The following CYRIA variants were observed in gnomAD, a reference collection of about 807,000 sequenced individuals.
CYRIA encodes CYFIP related Rac1 interactor A.
Under a neutral mutation model 43.9 loss-of-function variants are expected in CYRIA, and 15 were observed. That is an observed-to-expected ratio of 0.34 (90% CI 0.23 to 0.53). The LOEUF is 0.53. CYRIA is among the 20% of genes least tolerant of loss of function. CYRIA has a pLI of 0.94. For missense variants in CYRIA, 236 were observed against 394.2 expected, an observed-to-expected ratio of 0.60 and a Z score of 3.40; for synonymous variants, 117 against 136.0, an observed-to-expected ratio of 0.86 and a Z score of 0.97.
intron 11 of CYRIA, 123 bp downstream of exon 11, chr2:16,554,946 G>A: frequency 1.7e-6 from 1 of 596,560 alleles, no homozygotes; most frequent in Non-Finnish European, 2.8e-6. Context: ...AGATTGTTAG[G>A]AAGATTCAAT....
At chr2:16,560,902 C>A in intron 9 of CYRIA, 88 bp downstream of exon 9, 3 of 1,209,200 alleles carry the variant, frequency 2.5e-6, no homozygotes, top group Admixed American at 3.4e-5. Context: ...GGTGTTGACC[C>A]AAATGTTACA....
chr2:16,587,841 C>T (rs1289662218), intron 3 of CYRIA, among the ~76,000 whole-genome samples: 3 of 152,084 alleles, frequency 2.0e-5, no homozygotes, highest in Non-Finnish European at 4.4e-5. Flanking sequence ...GTGAGGCCTC[C>T]TGAGCCATGT....
intron 1 of CYRIA, among the ~76,000 whole-genome samples, chr2:16,647,344 T>G (rs983268024): frequency 2.0e-5 from 3 of 152,202 alleles, no homozygotes; most frequent in Non-Finnish European, 4.4e-5. Context: ...ATGTCTAAAT[T>G]TGAAGCAGGT....
chr2:16,605,746 G>A (rs1296462769), intron 2 of CYRIA, among the ~76,000 whole-genome samples: 1 of 152,184 alleles, frequency 6.6e-6, no homozygotes, highest in Non-Finnish European at 1.5e-5. Context: ...TAAACAGGCT[G>A]TCAGTTTTTT....
chr2:16,553,186 T>C (rs1228301817), intron 11 of CYRIA, among the ~76,000 whole-genome samples, 187 bp from the exon 12 acceptor site: 1 of 152,182 alleles, frequency 6.6e-6, no homozygotes, highest in African/African-American at 2.4e-5. Context: ...TTTTGTATTA[T>C]GGTTATTAAA....
At chr2:16,576,367 A>T (rs912455841) in intron 3 of CYRIA, among the ~76,000 whole-genome samples, 1 of 152,248 alleles carries the variant, frequency 6.6e-6, no homozygotes, top group Non-Finnish European at 1.5e-5. Flanking sequence ...AAAAGTCATC[A>T]TGCAGTGAGA....
At chr2:16,601,259 C>T (rs1023742947) in intron 2 of CYRIA, among the ~76,000 whole-genome samples, 4 of 152,004 alleles carry the variant, frequency 2.6e-5, no homozygotes, top group African/African-American at 7.3e-5. Context: ...TGCCACCCAA[C>T]GTGAAGAATA....
intron 11 of CYRIA, among the ~76,000 whole-genome samples, chr2:16,554,210 A>G (rs1335752009): frequency 6.6e-6 from 1 of 152,168 alleles, no homozygotes; most frequent in Admixed American, 6.5e-5. Context: ...ACTTAGACTT[A>G]TTGAACACTT....
At chr2:16,593,835 C>G (rs1447670353) in intron 2 of CYRIA, among the ~76,000 whole-genome samples, 1 of 145,868 alleles carries the variant, frequency 6.9e-6, no homozygotes, top group Non-Finnish European at 1.5e-5. Flanking sequence ...ACTAATGTGT[C>G]ATCTAGCATT....
At chr2:16,605,621 T>A (rs551912171) in intron 2 of CYRIA, among the ~76,000 whole-genome samples, 3 of 152,180 alleles carry the variant, frequency 2.0e-5, no homozygotes, top group African/African-American at 7.2e-5. Flanking sequence ...TCACTTAGTG[T>A]CATGTTGGGC....
chr2:16,564,118 C>T (rs1413997971), intron 4 of CYRIA, 24 bp from the exon 5 acceptor site: 3 of 1,581,078 alleles, frequency 1.9e-6, no homozygotes, highest in Non-Finnish European at 2.6e-6. Context: ...GTAGAGCTGA[C>T]TGTTTAAAAA....
intron 1 of CYRIA, among the ~76,000 whole-genome samples, chr2:16,632,774 C>T (rs189845867): frequency 1.5e-3 from 222 of 152,276 alleles, no homozygotes; most frequent in African/African-American, 4.7e-3. Flanking sequence ...CAAGGGTCAT[C>T]CCTGGCCTCG....
chr2:16,624,905 A>G (rs996951873), intron 1 of CYRIA, among the ~76,000 whole-genome samples: 14 of 152,246 alleles, frequency 9.2e-5, no homozygotes, highest in African/African-American at 1.9e-4. Flanking sequence ...TAGGAAACCA[A>G]TCTTTCAAGA....
chr2:16,550,646 C>A lies in CYRIA; in HGVS notation c.*2290G>T, dbSNP rs897816305. ...AGTTATAAATGTGCTCATCTATTTA[C>A]TCTGAGCTCAATCTAATTTGACAGG... On this transcript the variant is annotated 3_prime_UTR_variant, in exon 12 of 12. Coordinates refer to ENST00000381323, the MANE Select transcript of CYRIA (RefSeq NM_030797.4). The A allele has an allele frequency of 6.6e-6, 1 of 152,152 alleles. No homozygotes were observed. The highest frequency in any genetic ancestry group is 2.4e-5 in the African/African-American group (1 of 41,452). The allele number at this position is 152,152 out of a possible 1,614,324, so 9.4% of individuals were successfully genotyped here. A position where few individuals can be genotyped will look rare whatever the true frequency, so the allele number is the denominator to read the frequency against.
intron 5 of CYRIA, 32 bp from the exon 6 acceptor site, chr2:16,562,173 G>A (rs1020563542): frequency 2.3e-5 from 36 of 1,595,310 alleles, no homozygotes; most frequent in Non-Finnish European, 3.0e-5. Context: ...AGATATGTTG[G>A]AGGTGGCCCA....
chr2:16,581,775 T>C lies in CYRIA; in HGVS notation c.70+6275A>G, dbSNP rs187209819. On this transcript the variant is annotated intron_variant, in intron 3 of 11. Coordinates refer to ENST00000381323, the MANE Select transcript of CYRIA (RefSeq NM_030797.4). Reference sequence around the variant, plus strand: ...GAATGTTTATAGCACAATTACTAATTATAGCCCCAAACGGGAAATAGCCCA... The same window carrying C: ...GAATGTTTATAGCACAATTACTAATCATAGCCCCAAACGGGAAATAGCCCA... 1.8e-3 allele frequency among the ~76,000 whole-genome samples: 273 copies of C among 152,224 alleles called. 1 individual carries two copies. The highest frequency in any genetic ancestry group is 6.3e-3 in the African/African-American group (261 of 41,556).
chr2:16,642,761 CTAGAATACA>C (rs1669711874), intron 1 of CYRIA, among the ~76,000 whole-genome samples: 1 of 152,166 alleles, frequency 6.6e-6, no homozygotes, highest in African/African-American at 2.4e-5. Context: ...TTCTCTTTGC[CTAGAATACA>C]TTTCTCCCAG....
chr2:16,613,495 C>T (rs1268095518), intron 2 of CYRIA, among the ~76,000 whole-genome samples: 1 of 150,172 alleles, frequency 6.7e-6, no homozygotes, highest in Non-Finnish European at 1.5e-5. Flanking sequence ...CTATGCTAAG[C>T]GCTACATGCA....
At chr2:16,649,610 GGTTGTACAGTACAGGAGACA>G (rs1029523364) in intron 1 of CYRIA, among the ~76,000 whole-genome samples, 2 of 152,032 alleles carry the variant, frequency 1.3e-5, no homozygotes, top group Admixed American at 6.6e-5. Context: ...TACAGGGCAT[GGTTGTACAGTACAGGAGACA>G]GTTGTACAGT....
Sources: allele counts gnomAD v4.1 joint callset (sites outside exome capture counted in the v4.1 genomes callset), GRCh38; gene constraint gnomAD v4.1.1; transcripts MANE v1.5; gene names NCBI Gene and HGNC (gene_info 2026-07-23, HGNC 2026-07-21).